The following PACRG variants were observed in gnomAD, a reference collection of about 807,000 sequenced individuals.
PACRG encodes parkin coregulated, also known as parkin coregulated gene protein.
In PACRG, 29 loss-of-function variants were observed where a neutral mutation model predicts 29.7. That is an observed-to-expected ratio of 0.98 (90% CI 0.73 to 1.33). The LOEUF (loss-of-function observed/expected upper bound fraction) is 1.33, where lower values mean the gene tolerates loss of function less well. Among genes scored for constraint, PACRG ranks in the 40% most tolerant of loss-of-function variants. PACRG has a pLI of 0.00. For missense variants in PACRG, 279 were observed against 316.2 expected (o/e 0.88, Z 0.89); for synonymous variants, 116 against 118.7 (o/e 0.98, Z 0.15).
intron 4 of PACRG, chr6:163,309,973 T>A (rs1024622293): frequency 6.6e-6 from 1 of 152,230 alleles, no homozygotes; most frequent in Non-Finnish European, 1.5e-5. Context: ...TGAACAACAC[T>A]TCAGGCATGT....
chr6:163,098,235 G>A (rs912211470), intron 4 of PACRG, among the ~76,000 whole-genome samples: 2 of 152,130 alleles, frequency 1.3e-5, no homozygotes, highest in African/African-American at 4.8e-5. Flanking sequence ...AGCAGCTCAG[G>A]ATGGAGCTGG....
At position 163,220,093 on chromosome 6, in the gene PACRG, C is replaced by T. The variant is rs1384430348; in HGVS notation, c.614-94734C>T. ...TGAGCCCCAGTCCAAGCAAGGATGC[C>T]GTCTTTTCACCACCACCTGCCCAGA... is the stretch of plus-strand genomic sequence containing the variant. On this transcript the variant is annotated intron_variant, in intron 4 of 4. Transcript: ENST00000366888. Among the ~76,000 whole-genome samples the T allele has an allele frequency of 2.6e-5, 4 of 152,118 alleles. No homozygotes were observed. The South Asian group carries it at 6.2e-4, about 24-fold the overall frequency.
intron 2 of PACRG, among the ~76,000 whole-genome samples, chr6:162,856,902 G>T (rs1791445193): frequency 6.6e-6 from 1 of 152,124 alleles, no homozygotes. Flanking sequence ...ACTCCAGCGG[G>T]TTTACCTAGG....
chr6:163,028,887 GC>G, intron 2 of PACRG, among the ~76,000 whole-genome samples: 1 of 152,266 alleles, frequency 6.6e-6, no homozygotes, highest in East Asian at 1.9e-4. Flanking sequence ...GCAGGAAAAT[GC>G]CCCCCAAACA....
chr6:162,949,346 C>A (rs963427908), intron 2 of PACRG, among the ~76,000 whole-genome samples: 1 of 152,060 alleles, frequency 6.6e-6, no homozygotes, highest in Non-Finnish European at 1.5e-5. Context: ...ATACCAGAGA[C>A]TGGGAAGGAT....
In PACRG at chr6:162,803,032, C is replaced by T. The variant is rs1264096560; in HGVS notation, c.157-11115C>T. 2.6e-5 allele frequency among the ~76,000 whole-genome samples: 4 copies of T among 152,104 alleles called. No individual in the cohort carries two copies. In the East Asian group the frequency reaches 7.7e-4, roughly 29 times the overall value. Reference sequence around the variant, plus strand: ...AGCCAAACATAACCAACAGCTTAGACCTCTCTAATAAGGACTCTTCAGATG... The same window carrying T: ...AGCCAAACATAACCAACAGCTTAGATCTCTCTAATAAGGACTCTTCAGATG... On this transcript the variant is annotated intron_variant, in intron 1 of 4. Coordinates refer to ENST00000366888, the MANE Select transcript of PACRG (RefSeq NM_001080379.2).
chr6:163,104,797 C>T (rs1289948665), intron 4 of PACRG, among the ~76,000 whole-genome samples: 1 of 152,170 alleles, frequency 6.6e-6, no homozygotes, highest in East Asian at 1.9e-4. Flanking sequence ...CCCAACAATT[C>T]TCCCAAATAT....
intron 3 of PACRG, among the ~76,000 whole-genome samples, chr6:163,068,037 CT>C (rs1269264271): frequency 6.6e-6 from 1 of 152,134 alleles, no homozygotes; most frequent in Non-Finnish European, 1.5e-5. Flanking sequence ...TTTTATTTCC[CT>C]TTCTGGAGAC....
At chr6:163,087,722 G>A (rs1029022990) in intron 3 of PACRG, among the ~76,000 whole-genome samples, 1 of 150,868 alleles carries the variant, frequency 6.6e-6, no homozygotes, top group Non-Finnish European at 1.5e-5. Context: ...CAGGACTGGA[G>A]CAGAGAGGGT....
chr6:162,928,587 T>TAAAGATTTGTCTTTTCTTTATGCTAG (rs1332227229), intron 2 of PACRG, among the ~76,000 whole-genome samples: 1 of 152,058 alleles, frequency 6.6e-6, no homozygotes, highest in Non-Finnish European at 1.5e-5. Flanking sequence ...TCCATCACCT[T>TAAAGATTTGTCTTTTCTTTATGCTAG]AAAGATTTGT....
chr6:162,796,972 T>C (rs1785431751), intron 1 of PACRG, among the ~76,000 whole-genome samples: 1 of 152,228 alleles, frequency 6.6e-6, no homozygotes, highest in Non-Finnish European at 1.5e-5. Flanking sequence ...TTTGAACTTT[T>C]GAATTTCAAA....
chr6:163,298,637 A>G lies in PACRG; in HGVS notation c.614-16190A>G, dbSNP rs572702378. On this transcript the variant is annotated intron_variant, in intron 4 of 4. Transcript: ENST00000366888. ...AAAAATTGTGCAAATCTGGAGGTAG[A>G]CTTAATGTCTCTAGCCAAAGAAGAA... 3.3e-5 allele frequency among the ~76,000 whole-genome samples: 5 copies of G among 152,356 alleles called. No homozygotes were observed. The East Asian group carries it at 9.6e-4, about 29-fold the overall frequency.
At chr6:163,164,242 C>G (rs1158796445) in intron 4 of PACRG, among the ~76,000 whole-genome samples, 1 of 152,178 alleles carries the variant, frequency 6.6e-6, no homozygotes, top group Non-Finnish European at 1.5e-5. Context: ...TCTGCAATAG[C>G]CATAATCTCC....
At chr6:162,860,071 G>T (rs952476964) in intron 2 of PACRG, among the ~76,000 whole-genome samples, 2 of 151,640 alleles carry the variant, frequency 1.3e-5, no homozygotes, top group African/African-American at 4.8e-5. Context: ...AGGGAGGTGG[G>T]GGTGGGGGAG....
chr6:162,780,979 G>T (rs1784051143), intron 1 of PACRG, among the ~76,000 whole-genome samples: 1 of 151,946 alleles, frequency 6.6e-6, no homozygotes, highest in African/African-American at 2.4e-5. Context: ...TAATTGAAAA[G>T]ATAATGACCA....
At chr6:162,892,185 C>G (rs1794814287) in intron 2 of PACRG, among the ~76,000 whole-genome samples, 1 of 152,176 alleles carries the variant, frequency 6.6e-6, no homozygotes, top group Non-Finnish European at 1.5e-5. Context: ...TGTTTGCAGT[C>G]TGACAATGGA....
chr6:163,043,955 T>C (rs1309183123), intron 2 of PACRG, among the ~76,000 whole-genome samples: 1 of 152,058 alleles, frequency 6.6e-6, no homozygotes, highest in African/African-American at 2.4e-5. Flanking sequence ...TGCAGAGTCA[T>C]TTGGATAAAG....
chr6:163,123,061 C>G (rs1022179107), intron 4 of PACRG, among the ~76,000 whole-genome samples: 1 of 152,170 alleles, frequency 6.6e-6, no homozygotes, highest in Non-Finnish European at 1.5e-5. Flanking sequence ...GAAAACAGCT[C>G]CCCGGTACAG....
At chr6:162,935,940 C>A (rs1798203038) in intron 2 of PACRG, among the ~76,000 whole-genome samples, 1 of 152,132 alleles carries the variant, frequency 6.6e-6, no homozygotes, top group Admixed American at 6.6e-5. Context: ...CAAGCCATCA[C>A]CAGTGCTGTA....
Sources: allele counts gnomAD v4.1 joint callset (sites outside exome capture counted in the v4.1 genomes callset), GRCh38; gene constraint gnomAD v4.1.1; transcripts MANE v1.5; gene names NCBI Gene and HGNC (gene_info 2026-07-23, HGNC 2026-07-21).